Variants in DOCK1 observed in about 807,000 individuals in gnomAD.
DOCK1 encodes dedicator of cytokinesis 1.
DOCK1 carries 138 observed loss-of-function variants against 262.7 expected under a neutral mutation model. The ratio of observed to expected loss-of-function variants is 0.53; its 90% CI spans 0.46 to 0.61. DOCK1 has a LOEUF of 0.61. DOCK1 is among the 20% of genes least tolerant of loss of function. DOCK1 has a pLI of 0.00. For missense variants in DOCK1, 1,908 were observed against 2,370.7 expected, an observed-to-expected ratio of 0.80 and a Z score of 4.05; for synonymous variants, 866 against 867.4, an observed-to-expected ratio of 1.00 and a Z score of 0.03.
chr10:127,203,425 T>G (rs185225991), intron 27 of DOCK1, among the ~76,000 whole-genome samples: 2 of 152,366 alleles, frequency 1.3e-5, no homozygotes, highest in African/African-American at 4.8e-5. Context: ...TTTTGCTAGT[T>G]TGGTCTAAGA....
intron 29 of DOCK1, among the ~76,000 whole-genome samples, chr10:127,329,523 G>A (rs2062885347): frequency 6.6e-6 from 1 of 151,986 alleles, no homozygotes; most frequent in Non-Finnish European, 1.5e-5. Context: ...GGGGTGCTGG[G>A]GCGAGCAGAC....
chr10:127,364,137 C>G (rs1391414775), intron 33 of DOCK1, among the ~76,000 whole-genome samples: 2 of 152,154 alleles, frequency 1.3e-5, no homozygotes, highest in African/African-American at 4.8e-5. Flanking sequence ...GTCTGCAGGA[C>G]CATGGGGCCC....
intron 38 of DOCK1, among the ~76,000 whole-genome samples, chr10:127,401,724 A>T (rs1300374031): frequency 7.1e-6 from 1 of 140,384 alleles, no homozygotes; most frequent in Non-Finnish European, 1.6e-5. Flanking sequence ...TTAGAGAGAC[A>T]GTGTACACCT....
At position 126,995,533 on chromosome 10, in the gene DOCK1, C is replaced by T. The variant is rs910563997; in HGVS notation, c.474-1215C>T. 6.6e-6 allele frequency among the ~76,000 whole-genome samples: 1 copy of T among 152,316 alleles called. No homozygotes were observed. The highest frequency in any genetic ancestry group is 1.5e-5 in the Non-Finnish European group (1 of 68,030). ...CGCGCGCCTGCAATCCCAGGCACTC[C>T]GCAGGCTGAGGCAGGAGAATCAGGC... On this transcript the variant is annotated intron_variant, in intron 6 of 51. Coordinates refer to ENST00000623213, the MANE Select transcript of DOCK1 (RefSeq NM_001290223.2). The surrounding 1 kb of genome is among the most constrained non-coding windows in gnomAD (Gnocchi z 5.8).
At chr10:127,347,692 G>A (rs2063697643) in intron 31 of DOCK1, among the ~76,000 whole-genome samples, 1 of 151,384 alleles carries the variant, frequency 6.6e-6, no homozygotes, top group Non-Finnish European at 1.5e-5. Context: ...GTTTCTCGGG[G>A]GAAAGGCATG....
chr10:126,916,299 A>G (rs950306109), intron 1 of DOCK1, among the ~76,000 whole-genome samples: 3 of 152,260 alleles, frequency 2.0e-5, no homozygotes, highest in South Asian at 2.1e-4. Context: ...ACTATTATAC[A>G]GTCAATATTA....
intron 25 of DOCK1, among the ~76,000 whole-genome samples, chr10:127,113,469 G>A (rs371119236): frequency 9.9e-5 from 15 of 152,200 alleles, no homozygotes; most frequent in East Asian, 3.9e-4. Context: ...TTTTATCTCC[G>A]CCTGATATAA....
intron 23 of DOCK1, among the ~76,000 whole-genome samples, chr10:127,076,036 T>TCTCCACCC (rs2046513972): frequency 6.6e-6 from 1 of 152,196 alleles, no homozygotes; most frequent in African/African-American, 2.4e-5. Flanking sequence ...GTGCTGTGTT[T>TCTCCACCC]CTCCACCCAG....
intron 38 of DOCK1, among the ~76,000 whole-genome samples, chr10:127,402,159 C>T (rs2067261298): frequency 6.6e-6 from 1 of 152,152 alleles, no homozygotes; most frequent in Non-Finnish European, 1.5e-5. Context: ...GAGCCCCTGT[C>T]CTCAAGGGCT....
intron 13 of DOCK1, among the ~76,000 whole-genome samples, chr10:127,020,476 A>G (rs1433407595): frequency 1.3e-5 from 2 of 151,792 alleles, no homozygotes; most frequent in Non-Finnish European, 2.9e-5. Flanking sequence ...CTGAGGTGGG[A>G]GGATCCCTGG....
At chr10:127,339,128 A>C in intron 30 of DOCK1, 44 bp downstream of exon 30, 8 of 1,492,818 alleles carry the variant, frequency 5.4e-6, no homozygotes, top group Non-Finnish European at 7.3e-6. Flanking sequence ...AAATCATGTT[A>C]AAACAAATTG....
chr10:126,963,497 A>G (rs1302781260), intron 1 of DOCK1, among the ~76,000 whole-genome samples: 8 of 151,966 alleles, frequency 5.3e-5, no homozygotes, highest in Non-Finnish European at 1.2e-4. Flanking sequence ...TAACACCATT[A>G]TAACCAGGCT....
intron 16 of DOCK1, among the ~76,000 whole-genome samples, chr10:127,028,884 C>T (rs774475186): frequency 7.2e-5 from 11 of 152,074 alleles, no homozygotes; most frequent in Non-Finnish European, 1.6e-4. Flanking sequence ...GCAGTGTGCC[C>T]CAGACCCTCT....
intron 30 of DOCK1, among the ~76,000 whole-genome samples, chr10:127,342,554 G>C (rs1254489624): frequency 1.3e-5 from 2 of 152,142 alleles, no homozygotes; most frequent in Non-Finnish European, 2.9e-5. Context: ...GGAAGTGTTG[G>C]ATAAATGCAA....
intron 1 of DOCK1, among the ~76,000 whole-genome samples, chr10:126,952,478 G>A (rs1218571276): frequency 3.3e-5 from 5 of 150,248 alleles, no homozygotes; most frequent in Non-Finnish European, 5.9e-5. Context: ...ATTGGTGGTA[G>A]TATTGTTGGT....
intron 1 of DOCK1, among the ~76,000 whole-genome samples, chr10:126,909,411 C>T (rs1013830585): frequency 2.0e-5 from 3 of 152,178 alleles, no homozygotes; most frequent in African/African-American, 7.2e-5. Flanking sequence ...TGAGATAATA[C>T]ATTTGTGTGG....
At chr10:126,948,977 G>T (rs987058943) in intron 1 of DOCK1, among the ~76,000 whole-genome samples, 23 of 152,052 alleles carry the variant, frequency 1.5e-4, no homozygotes, top group Non-Finnish European at 2.8e-4. Flanking sequence ...TCAGTGGCCC[G>T]GGCCCACCCC....
At chr10:127,077,050 T>C (rs2135975914) in intron 23 of DOCK1, among the ~76,000 whole-genome samples, 1 of 152,262 alleles carries the variant, frequency 6.6e-6, no homozygotes, top group African/African-American at 2.4e-5. Flanking sequence ...AAAGAAAATG[T>C]CAGGGTAACT....
At chr10:127,326,876 C>T (rs2062767883) in intron 29 of DOCK1, among the ~76,000 whole-genome samples, 1 of 152,198 alleles carries the variant, frequency 6.6e-6, no homozygotes, top group Non-Finnish European at 1.5e-5. Flanking sequence ...GGCATGAAAA[C>T]AACATTCACC....
Sources: allele counts gnomAD v4.1 joint callset (sites outside exome capture counted in the v4.1 genomes callset), GRCh38; gene constraint gnomAD v4.1.1; non-coding constraint Gnocchi (gnomAD v3.1); transcripts MANE v1.5; gene names NCBI Gene and HGNC (gene_info 2026-07-23, HGNC 2026-07-21).